GPAM: variants seen among roughly 807,000 people sequenced by gnomAD.
GPAM encodes the protein glycerol-3-phosphate acyltransferase, mitochondrial, also known as glycerol-3-phosphate acyltransferase 1, mitochondrial.
GPAM carries 56 observed loss-of-function variants against 105.0 expected under a neutral mutation model. The observed-to-expected ratio is 0.53, with a 90% CI of 0.43 to 0.67. GPAM has a LOEUF of 0.67. Ranked by LOEUF, GPAM falls within the 30% of genes least tolerant of loss-of-function variation. GPAM has a pLI of 0.00. For synonymous variants in GPAM, 368 were observed against 354.4 expected, an observed-to-expected ratio of 1.04 and a Z score of -0.43; for missense variants, 855 against 989.8, an observed-to-expected ratio of 0.86 and a Z score of 1.83.
rs766308774 is a variant in GPAM, at chr10:112,172,174, C to T, written c.794+8G>A. On this transcript the variant is annotated splice_region_variant and intron_variant, in intron 9 of 21. Transcript: ENST00000348367. ...AATTCCTTAAATTCCAAAATAAGCT[C>T]ATCTTACCTGAAGATTGGGATGTTG... The T allele has an allele frequency of 6.3e-7, 1 of 1,595,804 alleles. No individual in the cohort carries two copies. The highest frequency in any genetic ancestry group is 2.2e-5 in the East Asian group (1 of 44,736).
chr10:112,170,239 G>T lies in GPAM; in HGVS notation c.795-1287C>A, dbSNP rs968630074. Among the ~76,000 whole-genome samples the T allele has an allele frequency of 5.8e-4, 88 of 152,174 alleles. 1 individual carries two copies. Among genetic ancestry groups the T allele is most frequent in the Non-Finnish European group, 1.8e-4 (12 of 68,030 alleles). Reference sequence around the variant, plus strand: ...GAGGCCACAGTAAGGTGTTGCCAAAGCTTAGTATCACTCTTTGAGAGTAAA... The same window carrying T: ...GAGGCCACAGTAAGGTGTTGCCAAATCTTAGTATCACTCTTTGAGAGTAAA... On this transcript the variant is annotated intron_variant, in intron 9 of 21. Coordinates refer to ENST00000348367, the MANE Select transcript of GPAM (RefSeq NM_001244949.2).
In GPAM at chr10:112,151,791, C is replaced by G. The variant is rs895884074; in HGVS notation, c.*1759G>C. Reference sequence around the variant, plus strand: ...TTTGCTTCCCCAGATAAGGAACACCCAAGACTCCCTGGGTATCCTCCAAAT... The same window carrying G: ...TTTGCTTCCCCAGATAAGGAACACCGAAGACTCCCTGGGTATCCTCCAAAT... On this transcript the variant is annotated 3_prime_UTR_variant, in exon 22 of 22. Coordinates refer to ENST00000348367, the MANE Select transcript of GPAM (RefSeq NM_001244949.2). 62 of 984,450 alleles carry G rather than the reference C, an allele frequency of 6.3e-5. No individual in the cohort carries two copies. Among genetic ancestry groups the G allele is most frequent in the Non-Finnish European group, 7.5e-5 (62 of 829,212 alleles). 61.0% of individuals were successfully genotyped at this position (984,450 alleles called of 1,614,324 possible).
chr10:112,224,382 T>C, the GPAM span, among the ~76,000 whole-genome samples: 1 of 152,320 alleles, frequency 6.6e-6, no homozygotes, highest in Admixed American at 6.5e-5. Context: ...TCTTTTAGTA[T>C]GTACAGATAA....
chr10:112,201,328 A>G (rs565987649), intron 1 of GPAM, among the ~76,000 whole-genome samples: 1 of 152,336 alleles, frequency 6.6e-6, no homozygotes, highest in South Asian at 2.1e-4. Context: ...AATATCATAG[A>G]ATAAGGTCAA....
the GPAM span, among the ~76,000 whole-genome samples, chr10:112,227,329 T>C: frequency 8.6e-4 from 131 of 152,282 alleles, no homozygotes; most frequent in African/African-American, 3.1e-3. Context: ...GCAAAATAGT[T>C]TGGGGGATAA....
the GPAM span, among the ~76,000 whole-genome samples, chr10:112,224,583 C>T: frequency 7.2e-5 from 11 of 152,002 alleles, no homozygotes; most frequent in African/African-American, 2.4e-4. Context: ...TGGGAAACAC[C>T]GTGTTCCCCT....
intron 9 of GPAM, 21 bp downstream of exon 9, chr10:112,172,161 T>G (rs750889661): frequency 1.7e-5 from 27 of 1,570,770 alleles, no homozygotes; most frequent in Non-Finnish European, 2.3e-5. Context: ...TTCCTTAAAT[T>G]CCAAAATAAG....
intron 4 of GPAM, among the ~76,000 whole-genome samples, chr10:112,180,192 C>T (rs1028832974): frequency 6.6e-5 from 10 of 152,110 alleles, no homozygotes; most frequent in Non-Finnish European, 1.5e-4. Context: ...CCACTAACTC[C>T]TTTGAAGACT....
At position 112,180,058 on chromosome 10, in the gene GPAM, T is replaced by C. The variant is rs1017476129; in HGVS notation, c.225+415A>G. Among the ~76,000 whole-genome samples the C allele has an allele frequency of 5.9e-5, 9 of 152,350 alleles. No individual in the cohort carries two copies. The East Asian group carries it at 1.7e-3, about 29-fold the overall frequency. On this transcript the variant is annotated intron_variant, in intron 4 of 21. Transcript: ENST00000348367. Reference sequence around the variant, plus strand: ...CACAAAGTCAACAGACACCTTCCATTAGCAAAGGCTCAGAGCAAAGTCACA... The same window carrying C: ...CACAAAGTCAACAGACACCTTCCATCAGCAAAGGCTCAGAGCAAAGTCACA...
upstream of GPAM, among the ~76,000 whole-genome samples, chr10:112,216,835 G>A (rs961665685): frequency 4.0e-5 from 6 of 151,712 alleles, no homozygotes; most frequent in African/African-American, 1.5e-4. Flanking sequence ...TGTTGGCCAG[G>A]CTGGTCTCGA....
chr10:112,180,691 A>C (rs182377958), intron 3 of GPAM, 96 bp from the exon 4 acceptor site: 68 of 1,107,850 alleles, frequency 6.1e-5, no homozygotes, highest in Admixed American at 5.0e-4. Flanking sequence ...CAGAAGAAAA[A>C]CTTATGGCAT....
rs1379569533 is a variant in GPAM, at chr10:112,150,861, C to T, written c.*2689G>A. On this transcript the variant is annotated 3_prime_UTR_variant, in exon 22 of 22. Transcript: ENST00000348367. ...TCCCCATCCAGGTTACTGGCAATTCCACAATTTGGGCTTACATTCATTGTA... is the reference window on the plus strand; with the variant it reads ...TCCCCATCCAGGTTACTGGCAATTCTACAATTTGGGCTTACATTCATTGTA... The T allele has an allele frequency of 1.0e-6, 1 of 984,932 alleles. No individual in the cohort carries two copies. Among genetic ancestry groups the T allele is most frequent in the Non-Finnish European group, 1.2e-6 (1 of 829,606 alleles). The allele number at this position is 984,932 out of a possible 1,614,324, so 61.0% of individuals were successfully genotyped here.
the GPAM span, among the ~76,000 whole-genome samples, chr10:112,227,530 C>A: frequency 2.3e-4 from 35 of 152,328 alleles, no homozygotes; most frequent in Middle Eastern, 3.4e-3. Context: ...AGGCCTTCCA[C>A]AGGGCTGAAG....
intron 16 of GPAM, 107 bp from the exon 17 acceptor site, chr10:112,160,160 C>T (rs993585994): frequency 2.8e-4 from 318 of 1,135,166 alleles, no homozygotes; most frequent in Non-Finnish European, 3.9e-4. Flanking sequence ...AAAATAATGG[C>T]CTGTATTTGG....
intron 1 of GPAM, among the ~76,000 whole-genome samples, chr10:112,200,749 T>C (rs1249361377): frequency 6.6e-6 from 1 of 152,186 alleles, no homozygotes; most frequent in African/African-American, 2.4e-5. Flanking sequence ...ACTGAAGGGA[T>C]ACTTTTACCT....
intron 7 of GPAM, 121 bp from the exon 8 acceptor site, chr10:112,173,187 T>G: frequency 1.4e-6 from 1 of 713,658 alleles, no homozygotes; most frequent in East Asian, 2.7e-5. Context: ...AAAGTACTTG[T>G]AAATGACTTA....
intron 1 of GPAM, among the ~76,000 whole-genome samples, chr10:112,213,291 C>A (rs1467005116): frequency 6.6e-6 from 1 of 152,148 alleles, no homozygotes; most frequent in African/African-American, 2.4e-5. Context: ...ACTGTGTTAA[C>A]TTGGGCAGTT....
chr10:112,208,940 ATGAATGCTAAACAACCAC>A (rs1423911522), intron 1 of GPAM, among the ~76,000 whole-genome samples: 1 of 152,230 alleles, frequency 6.6e-6, no homozygotes. Flanking sequence ...TGTGGGTGCC[ATGAATGCTAAACAACCAC>A]TGGCGTTGGC....
rs770624507 is a variant in GPAM, at chr10:112,164,542, T to C, written c.1290A>G (p.Pro430=). The change falls in exon 13 of 22, where the codon CCA becomes CCG. Residue 430 remains proline, a synonymous_variant. Transcript: ENST00000348367. Reference sequence around the variant, plus strand: ...AATTTTACCTTGAAGGAAGTATAGCTGGTAACAACGCTTGCTCCAGGGAAA... The same window carrying C: ...AATTTTACCTTGAAGGAAGTATAGCCGGTAACAACGCTTGCTCCAGGGAAA... ...ALLSLEQALL[P]AILPSRPSDA... The C allele has an allele frequency of 3.2e-6, 5 of 1,583,480 alleles. No homozygotes were observed. In the Admixed American group the frequency reaches 8.3e-5, roughly 26 times the overall value.
Sources: gnomAD v4.1 joint callset for allele counts (sites outside exome capture counted in the v4.1 genomes callset) on GRCh38, gnomAD v4.1.1 for gene constraint, MANE v1.5 for transcripts, NCBI Gene and HGNC (gene_info 2026-07-23, HGNC 2026-07-21) for gene names.